Variants in CORIN observed in about 807,000 individuals in gnomAD.
CORIN encodes the protein corin, serine peptidase.
In CORIN, 117 loss-of-function variants were observed where a neutral mutation model predicts 125.3. That is an observed-to-expected ratio of 0.93 (90% CI 0.80 to 1.09). The LOEUF (loss-of-function observed/expected upper bound fraction) is 1.09, where lower values mean the gene tolerates loss of function less well. Among genes scored for constraint, CORIN ranks in the 50% least tolerant of loss-of-function variants. CORIN has a pLI of 0.00. For synonymous variants in CORIN, 450 were observed against 466.4 expected (o/e 0.96, Z 0.45); for missense variants, 1,253 against 1,306.7 (o/e 0.96, Z 0.63).
chr4:47,603,540 T>A lies in CORIN; in HGVS notation c.2669A>T (p.Asp890Val). ...CAGCTCAACGATGCTGATGTCATAG[T>A]CCACCACTGCTCGACTGTAGCGGGG... is the stretch of plus-strand genomic sequence containing the variant. Reference protein sequence around the residue: ...LHPRYSRAVVDYDISIVELSE... With the variant: ...LHPRYSRAVVVYDISIVELSE... The change falls in exon 20 of 22, where the codon GAC becomes GTC. Residue 890 changes from aspartate (D) to valine (V), a missense_variant. Coordinates refer to ENST00000273857, the MANE Select transcript of CORIN (RefSeq NM_006587.4). 6.2e-7 allele frequency: 1 copy of A among 1,614,184 alleles called. No homozygotes were observed. Among genetic ancestry groups the A allele is most frequent in the African/African-American group, 1.3e-5 (1 of 75,042 alleles).
Position 47,677,927 on chromosome 4 carries a change from G to C in CORIN, c.1249+11C>G, listed in dbSNP as rs202195630. 14 of 1,579,052 alleles carry C rather than the reference G, an allele frequency of 8.9e-6. No homozygotes were observed. The Admixed American group carries it at 2.3e-4, about 26-fold the overall frequency. On this transcript the variant is annotated intron_variant, in intron 9 of 21. Transcript: ENST00000273857. ...GTAAAGGAATGTTCTGGGGTGGTGG[G>C]ACACACTTACTGACGCTGCAGTTCT...
chr4:47,679,299 C>G (rs964661700), intron 8 of CORIN, among the ~76,000 whole-genome samples: 1 of 151,946 alleles, frequency 6.6e-6, no homozygotes, highest in Admixed American at 6.6e-5. Flanking sequence ...AGTATAACAA[C>G]TGTCTGAAGA....
At chr4:47,627,318 A>G (rs145580699) in intron 16 of CORIN, among the ~76,000 whole-genome samples, 1 of 151,646 alleles carries the variant, frequency 6.6e-6, no homozygotes, top group Non-Finnish European at 1.5e-5. Context: ...TTGTAATCAC[A>G]TAATAGAAAA....
chr4:47,661,610 G>T, intron 12 of CORIN, 101 bp downstream of exon 12: 1 of 1,132,354 alleles, frequency 8.8e-7, no homozygotes, highest in Non-Finnish European at 1.2e-6. Flanking sequence ...AAACTAAATA[G>T]AAAACAAACA....
At chr4:47,795,533 T>C (rs1376879546) in intron 2 of CORIN, among the ~76,000 whole-genome samples, 1 of 152,046 alleles carries the variant, frequency 6.6e-6, no homozygotes, top group Non-Finnish European at 1.5e-5. Flanking sequence ...TACTTATTCT[T>C]GTTAATCCTA....
chr4:47,836,604 C>G lies in CORIN; in HGVS notation c.63+1283G>C, dbSNP rs1264680287. 2.0e-5 allele frequency among the ~76,000 whole-genome samples: 3 copies of G among 152,196 alleles called. No homozygotes were observed. The East Asian group carries it at 5.8e-4, about 29-fold the overall frequency. On this transcript the variant is annotated intron_variant, in intron 1 of 21. Coordinates refer to ENST00000273857, the MANE Select transcript of CORIN (RefSeq NM_006587.4). Reference sequence around the variant, plus strand: ...ACAGGAGTCCGTCTTCGCAGCGCATCGTTCTCAGAAGTTTCCCGCGGGAGG... The same window carrying G: ...ACAGGAGTCCGTCTTCGCAGCGCATGGTTCTCAGAAGTTTCCCGCGGGAGG...
intron 6 of CORIN, among the ~76,000 whole-genome samples, chr4:47,686,705 A>C (rs1725531149): frequency 1.3e-5 from 2 of 152,212 alleles, no homozygotes; most frequent in African/African-American, 4.8e-5. Flanking sequence ...TAGAATCAGC[A>C]ATAGCCCGGG....
intron 4 of CORIN, among the ~76,000 whole-genome samples, chr4:47,762,959 G>A (rs1472935726): frequency 1.3e-5 from 2 of 152,056 alleles, no homozygotes; most frequent in African/African-American, 2.4e-5. Flanking sequence ...GGTGCTACTG[G>A]CCATTATTCC....
At chr4:47,685,341 T>C (rs1483979661) in intron 6 of CORIN, among the ~76,000 whole-genome samples, 7 of 152,188 alleles carry the variant, frequency 4.6e-5, no homozygotes, top group Non-Finnish European at 7.3e-5. Context: ...ATTAAAAGGA[T>C]GAAACTACCA....
At chr4:47,675,714 T>A (rs1204331011) in intron 9 of CORIN, among the ~76,000 whole-genome samples, 1 of 152,164 alleles carries the variant, frequency 6.6e-6, no homozygotes. Flanking sequence ...GATCACTGCT[T>A]TATGGAAGAC....
intron 1 of CORIN, among the ~76,000 whole-genome samples, chr4:47,810,483 G>A (rs1732018599): frequency 6.6e-6 from 1 of 152,114 alleles, no homozygotes. Context: ...TACTGAAAAT[G>A]TGTTTCTTCT....
intron 5 of CORIN, among the ~76,000 whole-genome samples, chr4:47,693,593 G>A (rs923567521): frequency 3.9e-5 from 6 of 152,134 alleles, no homozygotes; most frequent in Non-Finnish European, 8.8e-5. Flanking sequence ...CCAGTGCCCT[G>A]TATTTGAAAT....
intron 19 of CORIN, among the ~76,000 whole-genome samples, chr4:47,614,025 T>A (rs989011508): frequency 1.3e-5 from 2 of 151,962 alleles, no homozygotes; most frequent in African/African-American, 2.4e-5. Flanking sequence ...GGGCTTTGTC[T>A]AAAAAGAAAC....
Position 47,641,968 on chromosome 4 carries a change from C to A in CORIN, c.2150G>T (p.Gly717Val). 1 of 1,613,564 alleles carries A rather than the reference C, an allele frequency of 6.2e-7. No individual in the cohort carries two copies. Residue 717 changes from glycine (G) to valine (V), a missense_variant, in exon 16 of 22, where the codon GGC (glycine) becomes GTC (valine). Coordinates refer to ENST00000273857, the MANE Select transcript of CORIN (RefSeq NM_006587.4). The stretch of plus-strand genomic sequence containing the variant: ...CAGCTGACTCAATATCTCCTGCCAG[C>A]CATCTGCACACACATGGTGTTCTGT... Reference protein sequence around the residue: ...AATEHHVCADGWQEILSQLAC... With the variant: ...AATEHHVCADVWQEILSQLAC...
chr4:47,623,117 T>TATATATATATATACACACACAC (rs141525347), intron 19 of CORIN, among the ~76,000 whole-genome samples: 1 of 134,520 alleles, frequency 7.4e-6, no homozygotes, highest in Admixed American at 7.4e-5. Context: ...TATATATATA[T>TATATATATATATACACACACAC]ACACACACAC....
chr4:47,646,562 C>T (rs912697456), intron 13 of CORIN, among the ~76,000 whole-genome samples: 5 of 152,196 alleles, frequency 3.3e-5, no homozygotes, highest in African/African-American at 1.2e-4. Flanking sequence ...ATGTTTATGT[C>T]ATTCCGGTCA....
At chr4:47,727,539 TA>T (rs1158282459) in intron 5 of CORIN, among the ~76,000 whole-genome samples, 2 of 152,136 alleles carry the variant, frequency 1.3e-5, no homozygotes, top group Non-Finnish European at 2.9e-5. Context: ...GAAAGTTTTT[TA>T]AAGTAATAAT....
intron 5 of CORIN, among the ~76,000 whole-genome samples, chr4:47,722,722 G>A (rs576694037): frequency 1.3e-5 from 2 of 152,246 alleles, no homozygotes; most frequent in East Asian, 3.9e-4. Flanking sequence ...AAAATTTGAA[G>A]TGAAACGTGG....
At position 47,623,726 on chromosome 4, in the gene CORIN, A is replaced by G. The variant is rs1477814050; in HGVS notation, c.2385T>C (p.Ala795=). The change falls in exon 19 of 22, where the codon GCT becomes GCC. Residue 795 remains alanine (A), a synonymous_variant. Transcript: ENST00000273857. The part of the protein sequence containing the change: ...CTKQDCGRRP[A]ARMNKRILGG... ...CAAGGATCCTTTTGTTCATTCGGGC[A>G]GCAGGGCGGCGCCCACAGTCTACCA... The G allele has an allele frequency of 6.2e-7, 1 of 1,614,218 alleles. No homozygotes were observed. Among genetic ancestry groups the G allele is most frequent in the African/African-American group, 1.3e-5 (1 of 75,064 alleles).
Sources: gnomAD v4.1 joint callset for allele counts (sites outside exome capture counted in the v4.1 genomes callset) on GRCh38, gnomAD v4.1.1 for gene constraint, MANE v1.5 for transcripts, NCBI Gene and HGNC (gene_info 2026-07-23, HGNC 2026-07-21) for gene names.